The following UBE2H variants were observed in gnomAD, a reference collection of about 807,000 sequenced individuals.
The protein encoded by UBE2H is ubiquitin conjugating enzyme E2 H, also known as ubiquitin-conjugating enzyme E2 H.
In UBE2H, 3 loss-of-function variants were observed where a neutral mutation model predicts 29.0. The observed-to-expected ratio is 0.10, with a 90% CI of 0.05 to 0.27. The LOEUF (loss-of-function observed/expected upper bound fraction) is 0.27, where lower values mean the gene tolerates loss of function less well. Ranked by LOEUF, UBE2H falls within the 10% of genes least tolerant of loss-of-function variation. The pLI, the probability that UBE2H is intolerant of heterozygous loss-of-function variation, is 1.00. For missense variants in UBE2H, 68 were observed against 228.2 expected (o/e 0.30, Z 4.52); for synonymous variants, 69 against 82.9 (o/e 0.83, Z 0.91).
chr7:129,909,830 A>T (rs1466242169), intron 1 of UBE2H, among the ~76,000 whole-genome samples: 1 of 152,252 alleles, frequency 6.6e-6, no homozygotes, highest in Non-Finnish European at 1.5e-5. Flanking sequence ...GATAAGACAC[A>T]GAATCTATCT....
At position 129,832,444 on chromosome 7, in the gene UBE2H, T is replaced by A. The variant is rs1404664914; in HGVS notation, c.*2493A>T. On this transcript the variant is annotated 3_prime_UTR_variant, in exon 7 of 7. Coordinates refer to ENST00000355621, the MANE Select transcript of UBE2H (RefSeq NM_003344.4). ...CTTATCCCACCTTCATCACACACAC[T>A]TAGATGGACACACACACACTCTCGC... 1 of 151,788 alleles carries A rather than the reference T, an allele frequency of 6.6e-6. No homozygotes were observed. The highest frequency in any genetic ancestry group is 1.5e-5 in the Non-Finnish European group (1 of 68,202). 9.4% of individuals were successfully genotyped at this position (151,788 alleles called of 1,614,324 possible). A position where few individuals can be genotyped will look rare whatever the true frequency, so the allele number is the denominator to read the frequency against.
rs1202154050 is a variant in UBE2H at position 129,867,699 on chromosome 7, TAAAAAAAAAAAAAAAAAAGAAAACCAA to T, written c.206-8785_206-8759del. On this transcript the variant is annotated intron_variant, in intron 3 of 6. Transcript: ENST00000355621. ...ATGTACCCTAAAACTTAGAGTATAA[TAAAAAAAAAAAAAAAAAAGAAAACCAA>T]AAAAAAAAAAAAAAAAGAAGACCAT... Among the ~76,000 whole-genome samples the T allele has an allele frequency of 3.0e-3, 90 of 29,640 alleles. 1 individual carries two copies. Among genetic ancestry groups the T allele is most frequent in the African/African-American group, 8.4e-3 (58 of 6,890 alleles). 19.4% of individuals were successfully genotyped at this position (29,640 alleles called of 152,430 possible).
At chr7:129,903,537 A>G (rs796649978) in intron 1 of UBE2H, among the ~76,000 whole-genome samples, 13 of 152,272 alleles carry the variant, frequency 8.5e-5, no homozygotes, top group African/African-American at 3.1e-4. Context: ...CCCAGGTGGG[A>G]GAACCACTTG....
intron 1 of UBE2H, among the ~76,000 whole-genome samples, chr7:129,899,354 G>T (rs371007718): frequency 6.6e-6 from 1 of 152,320 alleles, no homozygotes; most frequent in South Asian, 2.1e-4. Context: ...AAGCAGACCT[G>T]TTTCCCTCAT....
chr7:129,919,226 TCTAC>T (rs1040989340), intron 1 of UBE2H, among the ~76,000 whole-genome samples: 2 of 151,858 alleles, frequency 1.3e-5, no homozygotes, highest in African/African-American at 2.4e-5. Context: ...ATTTCTATTA[TCTAC>T]CTGTTTCAAA....
chr7:129,928,025 TAA>T (rs71175049), intron 1 of UBE2H, among the ~76,000 whole-genome samples: 434 of 128,500 alleles, frequency 3.4e-3, no homozygotes, highest in Middle Eastern at 7.5e-3. Context: ...ATCTCAAAAT[TAA>T]AAAAAAAAAA....
intron 1 of UBE2H, among the ~76,000 whole-genome samples, chr7:129,909,637 C>A (rs1806889564): frequency 6.6e-6 from 1 of 152,122 alleles, no homozygotes; most frequent in Non-Finnish European, 1.5e-5. Context: ...GGGAGGATCA[C>A]TTGACCCTAG....
At chr7:129,862,041 C>A (rs748322507) in intron 3 of UBE2H, among the ~76,000 whole-genome samples, 12 of 152,162 alleles carry the variant, frequency 7.9e-5, no homozygotes, top group Non-Finnish European at 1.6e-4. Context: ...AATACAAATT[C>A]ATTACCCTCC....
chr7:129,911,503 A>G (rs1390395883), intron 1 of UBE2H, among the ~76,000 whole-genome samples: 2 of 152,202 alleles, frequency 1.3e-5, no homozygotes, highest in Non-Finnish European at 2.9e-5. Context: ...AAGAAATAGT[A>G]CTGACATCAG....
chr7:129,914,353 G>A (rs1003341895), intron 1 of UBE2H, among the ~76,000 whole-genome samples: 2 of 152,048 alleles, frequency 1.3e-5, no homozygotes, highest in African/African-American at 4.8e-5. Context: ...TTTTAGTAGA[G>A]ATGGGGTTTT....
At chr7:129,937,679 G>T (rs1055225759) in intron 1 of UBE2H, among the ~76,000 whole-genome samples, 1 of 152,094 alleles carries the variant, frequency 6.6e-6, no homozygotes, top group Non-Finnish European at 1.5e-5. Flanking sequence ...TAGAGAAATG[G>T]GCAGCAATCA....
At chr7:129,891,827 AC>A (rs1201376765) in intron 1 of UBE2H, among the ~76,000 whole-genome samples, 1 of 146,076 alleles carries the variant, frequency 6.8e-6, no homozygotes, top group African/African-American at 2.5e-5. Context: ...AAAAAAAAAA[AC>A]ACACACACAC....
intron 1 of UBE2H, among the ~76,000 whole-genome samples, chr7:129,888,012 C>A (rs1465165645): frequency 6.6e-6 from 1 of 152,190 alleles, no homozygotes; most frequent in Admixed American, 6.5e-5. Context: ...ATGAAAAATA[C>A]AATCACATGG....
intron 1 of UBE2H, among the ~76,000 whole-genome samples, chr7:129,951,995 T>C (rs1300241157): frequency 6.6e-6 from 1 of 152,058 alleles, no homozygotes; most frequent in Non-Finnish European, 1.5e-5. Context: ...CTCTTCCTAA[T>C]ATAGAAAGGA....
At chr7:129,938,380 A>G (rs965044022) in intron 1 of UBE2H, among the ~76,000 whole-genome samples, 1 of 123,902 alleles carries the variant, frequency 8.1e-6, no homozygotes, top group Non-Finnish European at 1.6e-5. Context: ...ACTGCACTCC[A>G]GCGTGGGCAA....
intron 5 of UBE2H, among the ~76,000 whole-genome samples, chr7:129,852,357 C>T (rs768678008): frequency 7.9e-5 from 12 of 152,034 alleles, no homozygotes; most frequent in Admixed American, 2.0e-4. Flanking sequence ...GTCCCAGCTA[C>T]TCGGGAGGCT....
intron 3 of UBE2H, among the ~76,000 whole-genome samples, chr7:129,862,612 T>A (rs775632302): frequency 6.6e-6 from 1 of 152,104 alleles, no homozygotes; most frequent in Non-Finnish European, 1.5e-5. Flanking sequence ...AGGAGCCACC[T>A]GGTACCAAGA....
intron 1 of UBE2H, among the ~76,000 whole-genome samples, chr7:129,886,996 T>G (rs1806376919): frequency 6.6e-6 from 1 of 152,136 alleles, no homozygotes; most frequent in Non-Finnish European, 1.5e-5. Flanking sequence ...CGTTAATGAT[T>G]GAATCCTATG....
At position 129,940,438 on chromosome 7, in the gene UBE2H, C is replaced by T. The variant is rs184978706; in HGVS notation, c.53+12065G>A. Reference sequence around the variant, plus strand: ...CCTTTTTTGAGTCCACTGACAGACCCGCCAACCATGCCTATCTTCTAGAGA... The same window carrying T: ...CCTTTTTTGAGTCCACTGACAGACCTGCCAACCATGCCTATCTTCTAGAGA... On this transcript the variant is annotated intron_variant, in intron 1 of 6. Transcript: ENST00000355621. Among the ~76,000 whole-genome samples, 70 of 152,246 alleles carry T rather than the reference C, an allele frequency of 4.6e-4. 1 individual carries two copies. Among genetic ancestry groups the T allele is most frequent in the South Asian group, 4.1e-4 (2 of 4,828 alleles).
Sources: gnomAD v4.1 joint callset for allele counts (sites outside exome capture counted in the v4.1 genomes callset) on GRCh38, gnomAD v4.1.1 for gene constraint, MANE v1.5 for transcripts, NCBI Gene and HGNC (gene_info 2026-07-23, HGNC 2026-07-21) for gene names.